PPARGC1A: variants seen among roughly 807,000 people sequenced by gnomAD.
The protein encoded by PPARGC1A is PPARG coactivator 1 alpha.
In PPARGC1A, 25 loss-of-function variants were observed where a neutral mutation model predicts 88.7. The observed-to-expected ratio is 0.28, with a 90% CI of 0.21 to 0.39. The LOEUF is 0.39. PPARGC1A is among the 10% of genes least tolerant of loss of function. The pLI, the probability that PPARGC1A is intolerant of heterozygous loss-of-function variation, is 1.00. For synonymous variants in PPARGC1A, 363 were observed against 355.6 expected, an observed-to-expected ratio of 1.02 and a Z score of -0.24; for missense variants, 880 against 968.7, an observed-to-expected ratio of 0.91 and a Z score of 1.22.
the PPARGC1A span, among the ~76,000 whole-genome samples, chr4:23,965,214 A>G: frequency 6.6e-6 from 1 of 152,180 alleles, no homozygotes; most frequent in Admixed American, 6.5e-5. Context: ...TTATGGTCCT[A>G]GAGATCACCC....
chr4:24,461,498 A>G, the PPARGC1A span, among the ~76,000 whole-genome samples: 1 of 152,178 alleles, frequency 6.6e-6, no homozygotes, highest in Non-Finnish European at 1.5e-5. Context: ...ACAGAGAAAG[A>G]GAGGGTGAAG....
the PPARGC1A span, among the ~76,000 whole-genome samples, chr4:24,047,925 T>C: frequency 6.6e-6 from 1 of 152,186 alleles, no homozygotes; most frequent in Non-Finnish European, 1.5e-5. Context: ...TTTCTAACTC[T>C]TTACACTTCA....
At chr4:24,378,859 T>C in the PPARGC1A span, among the ~76,000 whole-genome samples, 2 of 152,208 alleles carry the variant, frequency 1.3e-5, no homozygotes, top group African/African-American at 2.4e-5. Context: ...GACTAATCTA[T>C]AGCAAAGATT....
At chr4:24,009,023 G>A in the PPARGC1A span, among the ~76,000 whole-genome samples, 1 of 151,170 alleles carries the variant, frequency 6.6e-6, no homozygotes, top group African/African-American at 2.4e-5. Flanking sequence ...TTCTCAGCAA[G>A]GGCTAGTTTA....
At chr4:24,129,732 A>G in the PPARGC1A span, among the ~76,000 whole-genome samples, 1 of 152,186 alleles carries the variant, frequency 6.6e-6, no homozygotes, top group Non-Finnish European at 1.5e-5. Flanking sequence ...AATAGCAAAG[A>G]CTTGCAACCA....
At chr4:24,180,371 G>A in the PPARGC1A span, among the ~76,000 whole-genome samples, 2 of 151,970 alleles carry the variant, frequency 1.3e-5, no homozygotes, top group East Asian at 3.9e-4. Context: ...TCATAAACTG[G>A]TTACATTTTT....
At chr4:24,105,970 A>G in the PPARGC1A span, among the ~76,000 whole-genome samples, 1 of 152,248 alleles carries the variant, frequency 6.6e-6, no homozygotes, top group East Asian at 1.9e-4. Context: ...GCTCACAGCC[A>G]TTAACTATGA....
At position 23,795,242 on chromosome 4, in the gene PPARGC1A, G is replaced by GTGGTTGGTTGGT. The variant is rs573349253; in HGVS notation, c.*568_*579dup. On this transcript the variant is annotated 3_prime_UTR_variant, in exon 13 of 13. Coordinates refer to ENST00000264867, the MANE Select transcript of PPARGC1A (RefSeq NM_013261.5). ...AGCGGCTGTCATTTTAGGGTGGTTT[G>GTGGTTGGTTGGT]TGGTTGGTTGGTTGGTTGGTTGGTT... is the stretch of plus-strand genomic sequence containing the variant. The GTGGTTGGTTGGT allele has an allele frequency of 1.3e-5, 2 of 149,014 alleles. No individual in the cohort carries two copies. Among genetic ancestry groups the GTGGTTGGTTGGT allele is most frequent in the Non-Finnish European group, 3.0e-5 (2 of 67,264 alleles). 9.2% of individuals were successfully genotyped at this position (149,014 alleles called of 1,614,324 possible).
chr4:24,163,862 G>C, the PPARGC1A span, among the ~76,000 whole-genome samples: 47 of 152,290 alleles, frequency 3.1e-4, no homozygotes, highest in African/African-American at 1.1e-3. Context: ...CCCATAGGGA[G>C]CTTTTTCCAA....
chr4:23,865,474 G>C (rs1474760480), intron 2 of PPARGC1A, among the ~76,000 whole-genome samples: 1 of 152,148 alleles, frequency 6.6e-6, no homozygotes, highest in Non-Finnish European at 1.5e-5. Context: ...TTATGAGAAG[G>C]CTGGTAATTC....
chr4:24,194,123 C>G, the PPARGC1A span, among the ~76,000 whole-genome samples: 3 of 83,392 alleles, frequency 3.6e-5, no homozygotes, highest in African/African-American at 8.6e-5. Context: ...GAGCAAAACT[C>G]CATCTCAAAA....
In PPARGC1A at chr4:23,844,624, AATAT is replaced by A. The variant is rs1727772549; in HGVS notation, c.235-12877_235-12874del. Among the ~76,000 whole-genome samples the A allele has an allele frequency of 2.9e-4, 19 of 66,034 alleles. No individual in the cohort carries two copies. In the South Asian group the frequency reaches 1.0e-2, roughly 35 times the overall value. 43.3% of individuals were successfully genotyped at this position (66,034 alleles called of 152,430 possible). A position where few individuals can be genotyped will look rare whatever the true frequency, so the allele number is the denominator to read the frequency against. On this transcript the variant is annotated intron_variant, in intron 2 of 12. Transcript: ENST00000264867. ...ATATTATATAGTAATATATTATATTAATATATAATAATATATATCATATTATATG... is the reference window on the plus strand; with the variant it reads ...ATATTATATAGTAATATATTATATTAATAATAATATATATCATATTATATG...
chr4:23,965,353 A>G, the PPARGC1A span, among the ~76,000 whole-genome samples: 1 of 152,186 alleles, frequency 6.6e-6, no homozygotes, highest in Admixed American at 6.5e-5. Context: ...TATACCACTA[A>G]TGCTTGACAC....
the PPARGC1A span, among the ~76,000 whole-genome samples, chr4:24,326,991 C>A: frequency 2.0e-5 from 3 of 152,126 alleles, no homozygotes; most frequent in Non-Finnish European, 4.4e-5. Context: ...GATAACAGAC[C>A]AACCTTTATT....
chr4:24,057,480 G>T, the PPARGC1A span, among the ~76,000 whole-genome samples: 1 of 150,576 alleles, frequency 6.6e-6, no homozygotes. Flanking sequence ...AAAAGCCATG[G>T]GGACAGCCAG....
At chr4:24,129,948 T>C in the PPARGC1A span, among the ~76,000 whole-genome samples, 68 of 151,068 alleles carry the variant, frequency 4.5e-4, no homozygotes, top group African/African-American at 1.6e-3. Flanking sequence ...AATTGAACAA[T>C]GAGAACACAT....
the PPARGC1A span, among the ~76,000 whole-genome samples, chr4:24,155,668 G>A: frequency 6.6e-6 from 1 of 151,900 alleles, no homozygotes; most frequent in African/African-American, 2.4e-5. Flanking sequence ...GAAGCTTGTG[G>A]TTTAGCTGCA....
At chr4:24,004,142 A>C in the PPARGC1A span, among the ~76,000 whole-genome samples, 10 of 152,174 alleles carry the variant, frequency 6.6e-5, no homozygotes, top group Admixed American at 1.3e-4. Context: ...ATTGGAATTC[A>C]CGCCATCTGT....
intron 10 of PPARGC1A, among the ~76,000 whole-genome samples, chr4:23,812,423 C>T (rs1721085526): frequency 6.6e-6 from 1 of 152,076 alleles, no homozygotes; most frequent in Non-Finnish European, 1.5e-5. Flanking sequence ...GAAAGAAAAA[C>T]TTATCCTGTG....
Sources: allele counts gnomAD v4.1 joint callset (sites outside exome capture counted in the v4.1 genomes callset), GRCh38; gene constraint gnomAD v4.1.1; transcripts MANE v1.5; gene names NCBI Gene and HGNC (gene_info 2026-07-23, HGNC 2026-07-21).